Variants in SLC35F4 observed in about 807,000 individuals in gnomAD.
SLC35F4 encodes chromosome 14 open reading frame 36.
Under a neutral mutation model 44.2 loss-of-function variants are expected in SLC35F4, and 24 were observed. That is an observed-to-expected ratio of 0.54 (90% CI 0.39 to 0.76). The LOEUF (loss-of-function observed/expected upper bound fraction) is 0.76, where lower values mean the gene tolerates loss of function less well. Among genes scored for constraint, SLC35F4 ranks in the 30% least tolerant of loss-of-function variants. The probability of loss-of-function intolerance (pLI) is 0.00; values close to 1 mark genes in which losing one functional copy is unlikely to be tolerated. For synonymous variants in SLC35F4, 238 were observed against 223.6 expected (o/e 1.06, Z -0.57); for missense variants, 562 against 586.1 (o/e 0.96, Z 0.42).
chr14:57,906,085 T>A (rs909031372), intron 1 of SLC35F4, among the ~76,000 whole-genome samples: 3 of 152,044 alleles, frequency 2.0e-5, no homozygotes, highest in Non-Finnish European at 4.4e-5. Flanking sequence ...ACAGTGTGCA[T>A]CCCCCTGGTG....
intron 4 of SLC35F4, among the ~76,000 whole-genome samples, chr14:57,576,653 C>CAATCT (rs10644313): frequency 0.19 from 28,259 of 151,932 alleles, 2,808 homozygotes; most frequent in Non-Finnish European, 0.22. Flanking sequence ...AGAGGTGTGG[C>CAATCT]AATCTATAGC....
At chr14:57,734,857 A>G (rs1458737643) in intron 1 of SLC35F4, among the ~76,000 whole-genome samples, 3 of 152,186 alleles carry the variant, frequency 2.0e-5, no homozygotes, top group Non-Finnish European at 4.4e-5. Flanking sequence ...TTCATTGCCT[A>G]TGAAACCTCA....
chr14:57,653,843 A>G (rs1455378128), intron 1 of SLC35F4, among the ~76,000 whole-genome samples: 2 of 152,176 alleles, frequency 1.3e-5, no homozygotes, highest in African/African-American at 2.4e-5. Flanking sequence ...AACAACAGAA[A>G]TGTATTGCCT....
chr14:57,604,943 T>C (rs1357017720), intron 1 of SLC35F4, among the ~76,000 whole-genome samples: 1 of 152,158 alleles, frequency 6.6e-6, no homozygotes. Flanking sequence ...TATCACCATA[T>C]ACAAAAATTA....
At chr14:57,844,578 G>A (rs1350900421) in intron 1 of SLC35F4, among the ~76,000 whole-genome samples, 1 of 152,110 alleles carries the variant, frequency 6.6e-6, no homozygotes, top group Non-Finnish European at 1.5e-5. Context: ...AAAATTACAG[G>A]CATTTCTACT....
chr14:57,630,633 T>C, intron 1 of SLC35F4: 1 of 762,346 alleles, frequency 1.3e-6, no homozygotes, highest in Non-Finnish European at 2.3e-6. Context: ...ACAGTCTATG[T>C]TTAGGTCAAA....
intron 1 of SLC35F4, among the ~76,000 whole-genome samples, chr14:57,633,310 T>C (rs2072873102): frequency 6.6e-6 from 1 of 152,106 alleles, no homozygotes; most frequent in African/African-American, 2.4e-5. Flanking sequence ...AACTGTCAAA[T>C]TATCTTCCAA....
At chr14:57,814,060 T>G (rs969261995) in intron 1 of SLC35F4, among the ~76,000 whole-genome samples, 3 of 152,218 alleles carry the variant, frequency 2.0e-5, no homozygotes, top group African/African-American at 7.2e-5. Flanking sequence ...AGGATGCAGC[T>G]GTATGTATGT....
At chr14:57,787,734 G>A (rs769521924) in intron 1 of SLC35F4, among the ~76,000 whole-genome samples, 2 of 152,024 alleles carry the variant, frequency 1.3e-5, no homozygotes, top group African/African-American at 2.4e-5. Flanking sequence ...ACCAAGCCAC[G>A]ACTACAAGAA....
At chr14:57,872,327 G>A (rs1455821779) in intron 1 of SLC35F4, among the ~76,000 whole-genome samples, 1 of 151,932 alleles carries the variant, frequency 6.6e-6, no homozygotes, top group Non-Finnish European at 1.5e-5. Context: ...GTACCAAAGT[G>A]GACATTCATC....
chr14:57,669,537 T>C (rs1485738945), intron 1 of SLC35F4, among the ~76,000 whole-genome samples: 1 of 152,128 alleles, frequency 6.6e-6, no homozygotes, highest in Non-Finnish European at 1.5e-5. Flanking sequence ...TTTTTTAGCA[T>C]GAAGGGCAGT....
At chr14:57,957,452 G>T (rs1430230459) in intron 1 of SLC35F4, among the ~76,000 whole-genome samples, 4 of 151,262 alleles carry the variant, frequency 2.6e-5, no homozygotes, top group Non-Finnish European at 5.9e-5. Flanking sequence ...AAACTGCAAT[G>T]AATGGATTCC....
At chr14:57,920,235 T>G (rs533204599) in intron 1 of SLC35F4, among the ~76,000 whole-genome samples, 2 of 152,340 alleles carry the variant, frequency 1.3e-5, no homozygotes, top group African/African-American at 4.8e-5. Context: ...TAAATTCTTC[T>G]GACTTCCTAA....
chr14:57,790,341 C>T (rs1162155110), intron 1 of SLC35F4, among the ~76,000 whole-genome samples: 2 of 151,482 alleles, frequency 1.3e-5, no homozygotes, highest in Non-Finnish European at 3.0e-5. Flanking sequence ...AATTCCTATA[C>T]AACAATAATA....
intron 1 of SLC35F4, among the ~76,000 whole-genome samples, chr14:57,907,058 C>T (rs192370327): frequency 6.6e-5 from 10 of 152,166 alleles, no homozygotes; most frequent in African/African-American, 2.4e-4. Context: ...GCATTTGTGA[C>T]CCTTTATGGA....
At chr14:57,600,687 ATCTC>A (rs2070766079) in intron 1 of SLC35F4, among the ~76,000 whole-genome samples, 1 of 86,588 alleles carries the variant, frequency 1.2e-5, no homozygotes, top group Non-Finnish European at 2.3e-5. Flanking sequence ...GCAAGACTCC[ATCTC>A]AAAAAAAAAA....
intron 1 of SLC35F4, among the ~76,000 whole-genome samples, chr14:57,948,110 G>T (rs1414754542): frequency 3.3e-5 from 5 of 152,090 alleles, no homozygotes; most frequent in African/African-American, 9.7e-5. Flanking sequence ...AGCAGGATTG[G>T]CGTAAATTCT....
intron 1 of SLC35F4, among the ~76,000 whole-genome samples, chr14:57,885,880 G>C (rs1888634603): frequency 6.6e-6 from 1 of 152,084 alleles, no homozygotes; most frequent in Non-Finnish European, 1.5e-5. Flanking sequence ...AATCTTCCCA[G>C]ATCATGCTGG....
chr14:57,586,717 CAAAAAAAAAAAAAAA>C (rs543963927), intron 3 of SLC35F4, among the ~76,000 whole-genome samples: 668 of 12,516 alleles, frequency 0.053, 12 homozygotes, highest in Middle Eastern at 0.071. Context: ...GACTCTGTCT[CAAAAAAAAAAAAAAA>C]AAAAAAAAAA....
Sources: gnomAD v4.1 joint callset for allele counts (sites outside exome capture counted in the v4.1 genomes callset) on GRCh38, gnomAD v4.1.1 for gene constraint, MANE v1.5 for transcripts, NCBI Gene and HGNC (gene_info 2026-07-23, HGNC 2026-07-21) for gene names.